Variants in NOL4 observed in about 807,000 individuals in gnomAD.
The protein encoded by NOL4 is nucleolar protein 4.
A neutral mutation model predicts 75.9 loss-of-function variants in NOL4; 17 were observed. The observed-to-expected ratio is 0.22, with a 90% CI of 0.15 to 0.34. The LOEUF (loss-of-function observed/expected upper bound fraction) is 0.34. Ranked by LOEUF, NOL4 falls within the 10% of genes least tolerant of loss-of-function variation. The pLI is 1.00. For missense variants in NOL4, 614 were observed against 793.5 expected (o/e 0.77, Z 2.72); for synonymous variants, 292 against 289.9 (o/e 1.01, Z -0.07).
chr18:34,173,996 T>A (rs2033303015), intron 1 of NOL4, among the ~76,000 whole-genome samples: 1 of 152,196 alleles, frequency 6.6e-6, no homozygotes, highest in African/African-American at 2.4e-5. Context: ...TCTGATTAAT[T>A]ATTTCAATTG....
At chr18:34,027,735 A>C (rs922980437) in intron 5 of NOL4, among the ~76,000 whole-genome samples, 7 of 152,202 alleles carry the variant, frequency 4.6e-5, no homozygotes, top group Non-Finnish European at 8.8e-5. Context: ...TGTGTAAAGC[A>C]GTACATACAG....
At chr18:34,166,390 C>G (rs981716895) in intron 1 of NOL4, among the ~76,000 whole-genome samples, 5 of 152,050 alleles carry the variant, frequency 3.3e-5, no homozygotes, top group Non-Finnish European at 5.9e-5. Context: ...GTATCTGGAA[C>G]TGAAGTAAGT....
chr18:33,930,240 A>G (rs1284272089), intron 9 of NOL4, among the ~76,000 whole-genome samples: 1 of 152,102 alleles, frequency 6.6e-6, no homozygotes, highest in East Asian at 1.9e-4. Context: ...TTATGTTTAT[A>G]AAATTTCTAT....
At chr18:33,857,392 A>G (rs1599639702) in intron 10 of NOL4, among the ~76,000 whole-genome samples, 2 of 152,146 alleles carry the variant, frequency 1.3e-5, no homozygotes, top group East Asian at 1.9e-4. Context: ...TTCAAACAGT[A>G]TTGGCCATCA....
chr18:33,867,056 C>A (rs1380625969), intron 10 of NOL4, among the ~76,000 whole-genome samples: 1 of 152,086 alleles, frequency 6.6e-6, no homozygotes, highest in African/African-American at 2.4e-5. Flanking sequence ...CATAATTCAA[C>A]TTCATTTCTC....
intron 5 of NOL4, among the ~76,000 whole-genome samples, chr18:34,072,202 G>A (rs543686665): frequency 1.7e-4 from 26 of 152,250 alleles, no homozygotes; most frequent in East Asian, 1.2e-3. Flanking sequence ...TCCAGCCTAG[G>A]TGACAGAGCG....
intron 2 of NOL4, among the ~76,000 whole-genome samples, chr18:34,115,135 T>C (rs778622934): frequency 6.6e-5 from 10 of 152,148 alleles, no homozygotes; most frequent in Non-Finnish European, 1.3e-4. Context: ...AGCACAAAGA[T>C]GGAGTCTCCT....
intron 5 of NOL4, among the ~76,000 whole-genome samples, chr18:34,063,478 A>G (rs1342763996): frequency 1.3e-5 from 2 of 152,110 alleles, no homozygotes; most frequent in African/African-American, 4.8e-5. Context: ...AATCAAAATT[A>G]TTTAATAAAA....
chr18:34,026,250 G>A (rs2075334499), intron 5 of NOL4, among the ~76,000 whole-genome samples: 1 of 152,132 alleles, frequency 6.6e-6, no homozygotes, highest in African/African-American at 2.4e-5. Context: ...ATTGGACAAA[G>A]AGAGAATGCC....
At chr18:33,962,569 G>C (rs1024689779) in intron 6 of NOL4, among the ~76,000 whole-genome samples, 4 of 152,030 alleles carry the variant, frequency 2.6e-5, no homozygotes, top group African/African-American at 9.7e-5. Context: ...AGTCAGTGGA[G>C]GAATAATAAA....
intron 1 of NOL4, among the ~76,000 whole-genome samples, chr18:34,192,784 A>T (rs2035017508): frequency 2.0e-5 from 3 of 152,178 alleles, no homozygotes; most frequent in Non-Finnish European, 4.4e-5. Context: ...TTCAGAGGTA[A>T]CCAGGTCATG....
intron 1 of NOL4, among the ~76,000 whole-genome samples, chr18:34,215,358 A>C (rs1406416143): frequency 6.6e-6 from 1 of 152,212 alleles, no homozygotes; most frequent in Non-Finnish European, 1.5e-5. Context: ...TGCATCACCC[A>C]TTATGCCAGG....
chr18:33,918,910 T>C (rs2066877872), intron 9 of NOL4, among the ~76,000 whole-genome samples: 1 of 152,146 alleles, frequency 6.6e-6, no homozygotes, highest in African/African-American at 2.4e-5. Context: ...TAAAACACTT[T>C]TGCCACTTAC....
rs564254406 is a variant in NOL4, at chr18:33,896,248, T to C, written c.1543-12824A>G. ...TGCCCAAAGCAATTTACAGATTCAA[T>C]GCTATTCCTATCTAATTACCAATGA... On this transcript the variant is annotated intron_variant, in intron 9 of 10. Coordinates refer to ENST00000261592, the MANE Select transcript of NOL4 (RefSeq NM_003787.5). Among the ~76,000 whole-genome samples, 61 of 152,232 alleles carry C rather than the reference T, an allele frequency of 4.0e-4. No individual in the cohort carries two copies. The South Asian group carries it at 5.4e-3, about 13-fold the overall frequency.
intron 1 of NOL4, among the ~76,000 whole-genome samples, chr18:34,196,110 A>G (rs759966925): frequency 2.6e-5 from 4 of 152,138 alleles, no homozygotes; most frequent in Non-Finnish European, 5.9e-5. Context: ...AAATGTGTTA[A>G]CTGCAAAATA....
intron 1 of NOL4, among the ~76,000 whole-genome samples, chr18:34,183,271 G>A (rs1358922484): frequency 6.6e-6 from 1 of 151,822 alleles, no homozygotes; most frequent in Non-Finnish European, 1.5e-5. Context: ...AAAATATGTG[G>A]ATGCAAATAA....
intron 9 of NOL4, among the ~76,000 whole-genome samples, chr18:33,883,639 T>C (rs561753959): frequency 1.3e-5 from 2 of 152,222 alleles, no homozygotes; most frequent in South Asian, 4.2e-4. Flanking sequence ...ATGGAACAAT[T>C]GACAGTTTTC....
Position 34,009,729 on chromosome 18 carries a change from C to T in NOL4, c.1056+9589G>A, listed in dbSNP as rs185514049. Among the ~76,000 whole-genome samples the T allele has an allele frequency of 4.6e-5, 7 of 151,976 alleles. No homozygotes were observed. The East Asian group carries it at 1.2e-3, about 25-fold the overall frequency. Reference sequence around the variant, plus strand: ...GGGTCTCAGCATCAGGTCAAGTTTGCAGCTACTCATTCTCAAGGCCTACAC... The same window carrying T: ...GGGTCTCAGCATCAGGTCAAGTTTGTAGCTACTCATTCTCAAGGCCTACAC... On this transcript the variant is annotated intron_variant, in intron 6 of 10. Transcript: ENST00000261592.
chr18:34,015,879 T>A (rs1052806653), intron 6 of NOL4, among the ~76,000 whole-genome samples: 2 of 152,152 alleles, frequency 1.3e-5, no homozygotes, highest in Non-Finnish European at 2.9e-5. Context: ...CTTGGAGTCA[T>A]TCTAGAATGT....
Sources: allele counts gnomAD v4.1 joint callset (sites outside exome capture counted in the v4.1 genomes callset), GRCh38; gene constraint gnomAD v4.1.1; transcripts MANE v1.5; gene names NCBI Gene and HGNC (gene_info 2026-07-23, HGNC 2026-07-21).